The following ZNF98 variants were observed in gnomAD, a reference collection of about 807,000 sequenced individuals.
ZNF98 encodes zinc finger protein 739.
A neutral mutation model predicts 12.8 loss-of-function variants in ZNF98; 8 were observed. That is an observed-to-expected ratio of 0.63 (90% CI 0.37 to 1.13). The LOEUF (loss-of-function observed/expected upper bound fraction) is 1.13, where lower values mean the gene tolerates loss of function less well. ZNF98 is among the 50% of genes most tolerant of loss of function. The pLI is 0.01. For missense variants in ZNF98, 379 were observed against 666.1 expected, an observed-to-expected ratio of 0.57 and a Z score of 4.74; for synonymous variants, 112 against 223.5, an observed-to-expected ratio of 0.50 and a Z score of 4.45.
At chr19:22,402,175 C>CAAAA (rs869111485) in intron 3 of ZNF98, among the ~76,000 whole-genome samples, 156 of 60,042 alleles carry the variant, frequency 2.6e-3, no homozygotes, top group Non-Finnish European at 3.3e-3. Context: ...GACTCCATCT[C>CAAAA]AAAAAAAAAA....
At chr19:22,421,316 A>T (rs1969700831) in intron 1 of ZNF98, among the ~76,000 whole-genome samples, 1 of 152,234 alleles carries the variant, frequency 6.6e-6, no homozygotes, top group East Asian at 1.9e-4. Context: ...CTGAAAATTC[A>T]GTATTTTACT....
chr19:22,403,765 G>A (rs1410758598), intron 1 of ZNF98, among the ~76,000 whole-genome samples: 1 of 152,174 alleles, frequency 6.6e-6, no homozygotes, highest in Non-Finnish European at 1.5e-5. Flanking sequence ...ATAAAACTGA[G>A]GGCATTAACA....
chr19:22,413,869 CAAAAAAAAAAA>C (rs57148885), intron 1 of ZNF98, among the ~76,000 whole-genome samples: 3 of 43,190 alleles, frequency 6.9e-5, no homozygotes, highest in East Asian at 1.5e-3. Context: ...AACTCCGTCT[CAAAAAAAAAAA>C]AAAAAAAAAA....
chr19:22,393,542 T>A (rs879306526), intron 3 of ZNF98, among the ~76,000 whole-genome samples: 1 of 151,302 alleles, frequency 6.6e-6, no homozygotes, highest in Non-Finnish European at 1.5e-5. Flanking sequence ...CATCTACAAC[T>A]ATCTGATCTT....
At chr19:22,421,613 G>T (rs1373547762) in intron 1 of ZNF98, among the ~76,000 whole-genome samples, 1 of 152,120 alleles carries the variant, frequency 6.6e-6, no homozygotes, top group Non-Finnish European at 1.5e-5. Context: ...TGAAAATTAA[G>T]AAACTACGTA....
At chr19:22,405,732 T>G (rs1260175980) in intron 1 of ZNF98, among the ~76,000 whole-genome samples, 1 of 152,100 alleles carries the variant, frequency 6.6e-6, no homozygotes, top group Non-Finnish European at 1.5e-5. Flanking sequence ...GCACCACAGG[T>G]GTGGCTGCCT....
chr19:22,419,024 T>G (rs1201442447), intron 1 of ZNF98, among the ~76,000 whole-genome samples: 1 of 152,228 alleles, frequency 6.6e-6, no homozygotes, highest in Non-Finnish European at 1.5e-5. Context: ...ATGTCCTTCC[T>G]AAGGACATGC....
At chr19:22,419,630 C>A (rs1969682497) in intron 1 of ZNF98, among the ~76,000 whole-genome samples, 1 of 152,156 alleles carries the variant, frequency 6.6e-6, no homozygotes, top group Admixed American at 6.6e-5. Context: ...TTATAAGGCG[C>A]TTTAATTTTA....
chr19:22,422,276 C>A lies in ZNF98; in HGVS notation c.-52G>T, dbSNP rs1372804935. On this transcript the variant is annotated 5_prime_UTR_variant, in exon 1 of 4. Coordinates refer to ENST00000357774, the MANE Select transcript of ZNF98 (RefSeq NM_001098626.2). Reference sequence around the variant, plus strand: ...AGGTCACAGGGCCACAGAGGCTGGGCCTCTACGAGCAGAGGACACAGAAGG... The same window carrying A: ...AGGTCACAGGGCCACAGAGGCTGGGACTCTACGAGCAGAGGACACAGAAGG... 2.5e-6 allele frequency: 4 copies of A among 1,605,520 alleles called. No individual in the cohort carries two copies. Among genetic ancestry groups the A allele is most frequent in the African/African-American group, 2.7e-5 (2 of 74,776 alleles).
chr19:22,398,214 T>A (rs116178077), intron 3 of ZNF98, among the ~76,000 whole-genome samples: 5,283 of 152,024 alleles, frequency 0.035, 127 homozygotes, highest in African/African-American at 0.12. Flanking sequence ...ACAGATTTTA[T>A]GAGATATACA....
chr19:22,418,878 C>CA (rs1335683041), intron 1 of ZNF98, among the ~76,000 whole-genome samples: 4 of 151,540 alleles, frequency 2.6e-5, no homozygotes, highest in African/African-American at 4.8e-5. Flanking sequence ...GACTCTGCCT[C>CA]AAAAAAAAGC....
chr19:22,416,395 G>T (rs1174665856), intron 1 of ZNF98, among the ~76,000 whole-genome samples: 1 of 151,906 alleles, frequency 6.6e-6, no homozygotes, highest in Non-Finnish European at 1.5e-5. Context: ...GCGTGAACCC[G>T]GGAGGCGGAG....
intron 1 of ZNF98, among the ~76,000 whole-genome samples, chr19:22,409,606 C>T (rs867657378): frequency 6.6e-6 from 1 of 151,950 alleles, no homozygotes; most frequent in Admixed American, 6.6e-5. Context: ...AAAAAACAAA[C>T]AATTCCATCA....
At chr19:22,400,509 C>A (rs1271703320) in intron 3 of ZNF98, among the ~76,000 whole-genome samples, 2 of 151,494 alleles carry the variant, frequency 1.3e-5, no homozygotes, top group Non-Finnish European at 2.9e-5. Flanking sequence ...TACCTAAGCC[C>A]CTTGTAACAA....
chr19:22,402,170 C>T lies in ZNF98; in HGVS notation c.253+619G>A, dbSNP rs200222515. 6.3e-5 allele frequency among the ~76,000 whole-genome samples: 6 copies of T among 95,794 alleles called. No individual in the cohort carries two copies. In the East Asian group the frequency reaches 1.2e-3, roughly 20 times the overall value. The allele number at this position is 95,794 out of a possible 152,430, so 62.8% of individuals were successfully genotyped here. ...CAGCCTGGGTGACAGAGCAAGACTCCATCTCAAAAAAAAAAAAAAAAAAAA... is the reference window on the plus strand; with the variant it reads ...CAGCCTGGGTGACAGAGCAAGACTCTATCTCAAAAAAAAAAAAAAAAAAAA... On this transcript the variant is annotated intron_variant, in intron 3 of 3. Transcript: ENST00000357774.
At chr19:22,418,677 G>A (rs1969671899) in intron 1 of ZNF98, among the ~76,000 whole-genome samples, 3 of 152,130 alleles carry the variant, frequency 2.0e-5, no homozygotes. Context: ...TCAGGAGTTC[G>A]AGAGCAGCCT....
chr19:22,394,273 T>C, intron 3 of ZNF98, among the ~76,000 whole-genome samples: 1 of 147,320 alleles, frequency 6.8e-6, no homozygotes, highest in Non-Finnish European at 1.5e-5. Context: ...TGGAAGACAG[T>C]GTTGCGATTC....
At chr19:22,402,175 C>CAAAAAAAAAAAAAA (rs869111485) in intron 3 of ZNF98, among the ~76,000 whole-genome samples, 3 of 60,506 alleles carry the variant, frequency 5.0e-5, no homozygotes, top group African/African-American at 1.3e-4. Flanking sequence ...GACTCCATCT[C>CAAAAAAAAAAAAAA]AAAAAAAAAA....
chr19:22,396,306 T>G (rs150830956), intron 3 of ZNF98, among the ~76,000 whole-genome samples: 2,169 of 152,174 alleles, frequency 0.014, 35 homozygotes, highest in African/African-American at 0.049. Context: ...GAGATTTATT[T>G]TATACCAAAT....
Sources: allele counts gnomAD v4.1 joint callset (sites outside exome capture counted in the v4.1 genomes callset), GRCh38; gene constraint gnomAD v4.1.1; transcripts MANE v1.5; gene names NCBI Gene and HGNC (gene_info 2026-07-23, HGNC 2026-07-21).